Variants in OPHN1 observed in about 807,000 individuals in gnomAD.
OPHN1 encodes the protein oligophrenin 1, also known as oligophrenin-1.
In OPHN1, 11 loss-of-function variants were observed where a neutral mutation model predicts 60.7. That is an observed-to-expected ratio of 0.18 (90% CI 0.11 to 0.30). The LOEUF is 0.30. Ranked by LOEUF, OPHN1 falls within the 10% of genes least tolerant of loss-of-function variation. OPHN1 has a pLI of 1.00. For missense variants in OPHN1, 449 were observed against 611.0 expected (o/e 0.73, Z 2.80); for synonymous variants, 226 against 222.6 (o/e 1.02, Z -0.14).
intron 2 of OPHN1, among the ~76,000 whole-genome samples, chrX:68,369,290 C>A (rs1301705360): frequency 1.8e-5 from 2 of 111,444 alleles, no homozygotes; most frequent in East Asian, 5.7e-4. Context: ...AGTTCAAAAC[C>A]AGCCCAGGCA....
intron 18 of OPHN1, among the ~76,000 whole-genome samples, chrX:68,098,284 T>A (rs1239301695): frequency 8.9e-6 from 1 of 111,897 alleles, no homozygotes; most frequent in Non-Finnish European, 1.9e-5. Context: ...ATAAACAACT[T>A]CCAAGTGTGT....
chrX:68,292,546 C>T (rs923430719), intron 3 of OPHN1, among the ~76,000 whole-genome samples: 1 of 111,155 alleles, frequency 9.0e-6, no homozygotes, highest in African/African-American at 3.3e-5. Context: ...CATTTTAAGT[C>T]CTTTCTCATC....
At chrX:68,363,707 T>C (rs766778047) in intron 2 of OPHN1, among the ~76,000 whole-genome samples, 6 of 111,680 alleles carry the variant, frequency 5.4e-5, no homozygotes, top group Non-Finnish European at 9.4e-5. Context: ...ACAATTTGTA[T>C]TGCATATGAT....
intron 15 of OPHN1, among the ~76,000 whole-genome samples, chrX:68,176,188 A>G (rs2077413449): frequency 1.8e-5 from 2 of 112,087 alleles, no homozygotes; most frequent in Non-Finnish European, 3.8e-5. Context: ...CACGAAATGC[A>G]CAAGAAAGAA....
At chrX:68,320,072 G>A (rs951566612) in intron 2 of OPHN1, among the ~76,000 whole-genome samples, 25 of 111,399 alleles carry the variant, frequency 2.2e-4, no homozygotes, top group Non-Finnish European at 3.6e-4. Flanking sequence ...AAGAGAAGCC[G>A]GGCACAGTGG....
intron 8 of OPHN1, 80 bp from the exon 9 acceptor site, chrX:68,210,362 CAA>C: frequency 9.8e-7 from 1 of 1,019,926 alleles, no homozygotes; most frequent in African/African-American, 1.9e-5. Context: ...AGACTCAGTA[CAA>C]AGTTTTCCCT....
At chrX:68,241,729 G>A (rs963348472) in intron 5 of OPHN1, among the ~76,000 whole-genome samples, 2 of 111,140 alleles carry the variant, frequency 1.8e-5, no homozygotes, top group Non-Finnish European at 3.8e-5. Context: ...AGACTAGCCC[G>A]GCCAACATGG....
chrX:68,235,341 G>A (rs2147524935), intron 5 of OPHN1, among the ~76,000 whole-genome samples: 1 of 112,082 alleles, frequency 8.9e-6, no homozygotes, highest in East Asian at 2.8e-4. Context: ...TTAGCATCAT[G>A]CTGGAAAATC....
At chrX:68,365,081 C>T (rs1248406332) in intron 2 of OPHN1, among the ~76,000 whole-genome samples, 1 of 111,775 alleles carries the variant, frequency 8.9e-6, no homozygotes, top group Non-Finnish European at 1.9e-5. Flanking sequence ...CTGTGCAATA[C>T]AAAGAAGAAA....
At chrX:68,395,874 C>T (rs1310124486) in intron 2 of OPHN1, among the ~76,000 whole-genome samples, 1 of 111,425 alleles carries the variant, frequency 9.0e-6, no homozygotes, top group Admixed American at 9.6e-5. Context: ...GCATGAGTCA[C>T]CACGCCCAGC....
chrX:68,094,855 T>A (rs1324956449), intron 19 of OPHN1, among the ~76,000 whole-genome samples: 1 of 111,401 alleles, frequency 9.0e-6, no homozygotes, highest in African/African-American at 3.3e-5. Flanking sequence ...GGCACACTTC[T>A]GCCTCTGGGA....
At chrX:68,221,098 A>C (rs1452561598) in intron 6 of OPHN1, among the ~76,000 whole-genome samples, 2 of 97,243 alleles carry the variant, frequency 2.1e-5, no homozygotes, top group African/African-American at 7.3e-5. Context: ...AGGATACAAA[A>C]TCAATGTACA....
chrX:68,351,159 C>A (rs2078408692), intron 2 of OPHN1, among the ~76,000 whole-genome samples: 1 of 111,121 alleles, frequency 9.0e-6, no homozygotes, highest in African/African-American at 3.3e-5. Flanking sequence ...GAACTCCTGG[C>A]CTCGTGATCC....
chrX:68,133,342 T>C, intron 15 of OPHN1: 2 of 669,890 alleles, frequency 3.0e-6, no homozygotes, highest in Non-Finnish European at 4.9e-6. Context: ...AAATCCTCAA[T>C]ACCAAACTAG....
intron 18 of OPHN1, among the ~76,000 whole-genome samples, chrX:68,106,759 T>A (rs1423507317): frequency 8.9e-6 from 1 of 112,014 alleles, no homozygotes; most frequent in Non-Finnish European, 1.9e-5. Flanking sequence ...AAGGCATAGA[T>A]GTACTCATCA....
At chrX:68,415,211 G>A (rs1487641799) in intron 2 of OPHN1, among the ~76,000 whole-genome samples, 3 of 111,797 alleles carry the variant, frequency 2.7e-5, no homozygotes, top group Admixed American at 1.9e-4. Flanking sequence ...ATTCTCTATA[G>A]CTAGATTTTG....
chrX:68,332,422 T>C (rs1416826262), intron 2 of OPHN1, among the ~76,000 whole-genome samples: 1 of 111,697 alleles, frequency 9.0e-6, no homozygotes, highest in Non-Finnish European at 1.9e-5. Context: ...GGATTCCAAG[T>C]TCAGAGTGAT....
chrX:68,397,460 C>CTTTT (rs767285762), intron 2 of OPHN1, among the ~76,000 whole-genome samples: 1 of 50,032 alleles, frequency 2.0e-5, no homozygotes, highest in Admixed American at 2.4e-4. Flanking sequence ...CTTTTATGTT[C>CTTTT]TTTTTTTTTT....
chrX:68,335,549 A>T (rs1266304460), intron 2 of OPHN1, among the ~76,000 whole-genome samples: 1 of 112,270 alleles, frequency 8.9e-6, no homozygotes, highest in Non-Finnish European at 1.9e-5. Context: ...AACATGAACT[A>T]CGAAATCTAT....
Sources: gnomAD v4.1 joint callset for allele counts (sites outside exome capture counted in the v4.1 genomes callset) on GRCh38, gnomAD v4.1.1 for gene constraint, MANE v1.5 for transcripts, NCBI Gene and HGNC (gene_info 2026-07-23, HGNC 2026-07-21) for gene names.